The following SDHA variants were observed in gnomAD, a reference collection of about 807,000 sequenced individuals.
SDHA encodes succinate dehydrogenase [ubiquinone] flavoprotein subunit, mitochondrial.
A neutral mutation model predicts 78.4 loss-of-function variants in SDHA; 48 were observed. The observed-to-expected ratio is 0.61, with a 90% confidence interval of 0.49 to 0.78. The LOEUF (loss-of-function observed/expected upper bound fraction) is 0.78. SDHA is among the 30% of genes least tolerant of loss of function. SDHA has a pLI of 0.00. For synonymous variants in SDHA, 326 were observed against 353.9 expected, an observed-to-expected ratio of 0.92 and a Z score of 0.88; for missense variants, 680 against 892.7, an observed-to-expected ratio of 0.76 and a Z score of 3.04.
At chr5:235,981 T>A (rs1410870102) in intron 9 of SDHA, 2 of 251,030 alleles carry the variant, frequency 8.0e-6, no homozygotes, top group Non-Finnish European at 1.6e-5. Flanking sequence ...TGAAGAAGAG[T>A]AGCTATGGTC....
chr5:263,068 G>A, the SDHA span, among the ~76,000 whole-genome samples: 1 of 151,954 alleles, frequency 6.6e-6, no homozygotes, highest in Non-Finnish European at 1.5e-5. Context: ...GCCTCCCAAG[G>A]AGCTGAGACT....
the SDHA span, among the ~76,000 whole-genome samples, chr5:267,336 T>G: frequency 1.3e-5 from 2 of 152,092 alleles, no homozygotes; most frequent in African/African-American, 4.8e-5. Context: ...GAAAAGTGAC[T>G]GGAGAAGAAA....
intron 11 of SDHA, among the ~76,000 whole-genome samples, chr5:243,038 G>A (rs560900305): frequency 5.9e-5 from 9 of 152,216 alleles, no homozygotes; most frequent in African/African-American, 1.7e-4. Flanking sequence ...GACAGTGGGC[G>A]AAAAGTAGTT....
rs572964302 is a variant in SDHA at position 236,933 on chromosome 5, G to A, written c.1432+334G>A. 1.8e-3 allele frequency among the ~76,000 whole-genome samples: 266 copies of A among 147,592 alleles called. 5 individuals are homozygous for A. The highest frequency in any genetic ancestry group is 3.0e-3 in the Admixed American group (45 of 14,920). Reference sequence around the variant, plus strand: ...CAAAGTATCGGGATTACAGGCATGAGCCACTGCACCCAGCCAGGTTACAAA... The same window carrying A: ...CAAAGTATCGGGATTACAGGCATGAACCACTGCACCCAGCCAGGTTACAAA... On this transcript the variant is annotated intron_variant, in intron 10 of 14. Coordinates refer to ENST00000264932, the MANE Select transcript of SDHA (RefSeq NM_004168.4).
chr5:267,781 A>T, the SDHA span, among the ~76,000 whole-genome samples: 3 of 152,226 alleles, frequency 2.0e-5, no homozygotes, highest in Non-Finnish European at 2.9e-5. Flanking sequence ...AGACCTGGCT[A>T]GGAGGAAATT....
At chr5:262,381 T>C in the SDHA span, among the ~76,000 whole-genome samples, 763 of 127,074 alleles carry the variant, frequency 6.0e-3, 96 homozygotes, top group African/African-American at 0.026. Flanking sequence ...CTCCGCCTCC[T>C]GTCCAAGCAT....
At chr5:231,873 C>G (rs1328105810) in intron 7 of SDHA, among the ~76,000 whole-genome samples, 1 of 152,184 alleles carries the variant, frequency 6.6e-6, no homozygotes, top group African/African-American at 2.4e-5. Context: ...GCCCACGTGA[C>G]CACTGAGAGA....
At chr5:221,821 C>T (rs953967407) in intron 1 of SDHA, among the ~76,000 whole-genome samples, 2 of 152,026 alleles carry the variant, frequency 1.3e-5, no homozygotes, top group African/African-American at 4.8e-5. Flanking sequence ...GTGTCCTTTT[C>T]GCCAGGGGGA....
At chr5:248,229 C>G (rs543540821) in intron 11 of SDHA, among the ~76,000 whole-genome samples, 1 of 151,766 alleles carries the variant, frequency 6.6e-6, no homozygotes, top group South Asian at 2.1e-4. Flanking sequence ...GGAAGAGATT[C>G]TGGGAGGATC....
downstream of SDHA, among the ~76,000 whole-genome samples, chr5:258,829 C>CT: frequency 8.2e-5 from 7 of 85,790 alleles, no homozygotes; most frequent in South Asian, 3.8e-4. Context: ...TGAGCTCCGC[C>CT]CCCTGCCAGA....
chr5:238,461 A>ATTTTTTTTTTTT (rs1735922506), intron 10 of SDHA, among the ~76,000 whole-genome samples: 1 of 150,866 alleles, frequency 6.6e-6, no homozygotes, highest in Non-Finnish European at 1.5e-5. Context: ...TTTTTTTTTA[A>ATTTTTTTTTTTT]GAGATAGTCT....
chr5:223,510 G>A lies in SDHA; in HGVS notation c.92G>A (p.Arg31Gln), dbSNP rs752532780. The A allele has an allele frequency of 1.8e-5, 29 of 1,613,642 alleles. No individual in the cohort carries two copies. Among genetic ancestry groups the A allele is most frequent in the East Asian group, 4.5e-5 (2 of 44,904 alleles). Residue 31 changes from arginine (R) to glutamine (Q), a missense_variant, in exon 2 of 15, where the codon CGA becomes CAA. Physicochemically the swap from Arg to Gln is conservative, Grantham distance 43. Transcript: ENST00000264932. ...AWPTVLQTGTRGFHFTVDGNK... is the reference protein window; with the variant it reads ...AWPTVLQTGTQGFHFTVDGNK... ...CCAACAGTGTTGCAAACAGGAACCC[G>A]AGGTTTTCACTTCACTGTTGATGGG...
chr5:237,710 T>C (rs1253286573), intron 10 of SDHA, among the ~76,000 whole-genome samples: 4 of 134,890 alleles, frequency 3.0e-5, no homozygotes, highest in Non-Finnish European at 6.0e-5. Context: ...AGGTGCTTTT[T>C]GTATGGATTC....
At chr5:240,829 G>A (rs1371693426) in intron 11 of SDHA, among the ~76,000 whole-genome samples, 3 of 152,154 alleles carry the variant, frequency 2.0e-5, no homozygotes, top group South Asian at 2.1e-4. Flanking sequence ...TGTTCCATCC[G>A]TGTGGCTGCA....
Position 223,816 on chromosome 5 carries a change from A to G in SDHA, c.150+248A>G, listed in dbSNP as rs190166089. On this transcript the variant is annotated intron_variant, in intron 2 of 14. Coordinates refer to ENST00000264932, the MANE Select transcript of SDHA (RefSeq NM_004168.4). ...CTAGATTTAAATTTAGATCAAGTAA[A>G]GCAATAAATTAAAATAAAATGAACA... Among the ~76,000 whole-genome samples the G allele has an allele frequency of 4.7e-4, 71 of 152,346 alleles. No individual in the cohort carries two copies. In the East Asian group the frequency reaches 7.5e-3, roughly 16 times the overall value.
the SDHA span, among the ~76,000 whole-genome samples, chr5:262,223 A>T: frequency 0.017 from 337 of 19,638 alleles, no homozygotes; most frequent in Non-Finnish European, 0.02. Flanking sequence ...CCGCCTCCCG[A>T]CAGAGCATTA....
At chr5:266,134 A>G in the SDHA span, among the ~76,000 whole-genome samples, 11 of 152,186 alleles carry the variant, frequency 7.2e-5, no homozygotes, top group East Asian at 3.9e-4. Flanking sequence ...AAACCTCCAC[A>G]GCTGACATGT....
intron 11 of SDHA, chr5:249,729 G>C (rs539442796): frequency 6.6e-6 from 1 of 152,246 alleles, no homozygotes; most frequent in Non-Finnish European, 1.5e-5. Context: ...CTGTATTTCT[G>C]TGTGTGTGTC....
intron 3 of SDHA, 48 bp downstream of exon 3, chr5:224,569 G>T: frequency 6.3e-7 from 1 of 1,599,360 alleles, no homozygotes; most frequent in South Asian, 1.1e-5. Flanking sequence ...CAGGTCCCGC[G>T]CAGCCTCGCA....
Sources: allele counts gnomAD v4.1 joint callset (sites outside exome capture counted in the v4.1 genomes callset), GRCh38; gene constraint gnomAD v4.1.1; transcripts MANE v1.5; gene names NCBI Gene and HGNC (gene_info 2026-07-23, HGNC 2026-07-21).